The following RARB variants were observed in gnomAD, a reference collection of about 807,000 sequenced individuals.
RARB encodes HBV-activated protein.
In RARB, 17 loss-of-function variants were observed where a neutral mutation model predicts 51.9. The ratio of observed to expected loss-of-function variants is 0.33; its 90% CI spans 0.22 to 0.49. RARB has a LOEUF of 0.49. Among genes scored for constraint, RARB ranks in the 20% least tolerant of loss-of-function variants. The probability of loss-of-function intolerance (pLI) is 0.99; values close to 1 mark genes in which losing one functional copy is unlikely to be tolerated. For synonymous variants in RARB, 215 were observed against 195.4 expected, an observed-to-expected ratio of 1.10 and a Z score of -0.84; for missense variants, 369 against 550.8, an observed-to-expected ratio of 0.67 and a Z score of 3.30.
At chr3:25,043,674 A>G (rs1698157882) in intron 2 of RARB, among the ~76,000 whole-genome samples, 1 of 152,194 alleles carries the variant, frequency 6.6e-6, no homozygotes, top group African/African-American at 2.4e-5. Context: ...TTATATCAAG[A>G]TGATTTTTAT....
chr3:25,527,590 A>C (rs1698708684), intron 3 of RARB, among the ~76,000 whole-genome samples: 1 of 152,208 alleles, frequency 6.6e-6, no homozygotes, highest in Non-Finnish European at 1.5e-5. Context: ...TTATGTTCAT[A>C]CATGCTTGTA....
chr3:25,594,283 A>G (rs1204338505), intron 6 of RARB, among the ~76,000 whole-genome samples: 1 of 152,150 alleles, frequency 6.6e-6, no homozygotes, highest in Non-Finnish European at 1.5e-5. Context: ...AAAGGAGGTA[A>G]TTCTTTCCCT....
chr3:24,911,492 G>A (rs1475126030), intron 2 of RARB, among the ~76,000 whole-genome samples: 1 of 152,174 alleles, frequency 6.6e-6, no homozygotes, highest in Non-Finnish European at 1.5e-5. Flanking sequence ...TGGTCCCATG[G>A]TTTGGGACCA....
At chr3:24,903,267 AATC>A (rs1361073691) in intron 2 of RARB, among the ~76,000 whole-genome samples, 1 of 152,082 alleles carries the variant, frequency 6.6e-6, no homozygotes, top group Non-Finnish European at 1.5e-5. Context: ...AGGAAATAAT[AATC>A]ATAAAAATAT....
intron 5 of RARB, among the ~76,000 whole-genome samples, chr3:25,413,739 C>A (rs976710411): frequency 3.3e-5 from 5 of 152,032 alleles, no homozygotes; most frequent in Non-Finnish European, 7.3e-5. Flanking sequence ...ATTTTATTCC[C>A]TGATAACCAA....
intron 2 of RARB, among the ~76,000 whole-genome samples, chr3:24,890,337 C>A (rs778153220): frequency 7.7e-4 from 117 of 152,142 alleles, no homozygotes; most frequent in Non-Finnish European, 1.3e-3. Flanking sequence ...GTTCTTTAGA[C>A]TTTTCTCTCT....
chr3:25,022,696 G>T (rs1697664272), intron 2 of RARB, among the ~76,000 whole-genome samples: 1 of 152,162 alleles, frequency 6.6e-6, no homozygotes, highest in Admixed American at 6.5e-5. Flanking sequence ...GACAGGGAAG[G>T]CTTCCCTGAA....
chr3:24,940,237 AT>A (rs1311206080), intron 2 of RARB, among the ~76,000 whole-genome samples: 1 of 152,092 alleles, frequency 6.6e-6, no homozygotes, highest in Non-Finnish European at 1.5e-5. Flanking sequence ...TCATTTAACA[AT>A]TTCATACTGA....
At chr3:24,953,132 A>G (rs1276768482) in intron 2 of RARB, among the ~76,000 whole-genome samples, 1 of 152,178 alleles carries the variant, frequency 6.6e-6, no homozygotes, top group African/African-American at 2.4e-5. Flanking sequence ...ATGCACGTAG[A>G]TAAAAGAGTT....
At chr3:25,345,406 C>T (rs1370104665) in intron 5 of RARB, among the ~76,000 whole-genome samples, 1 of 152,098 alleles carries the variant, frequency 6.6e-6, no homozygotes, top group Non-Finnish European at 1.5e-5. Context: ...GTGGCTCACG[C>T]CTGTAATCCC....
At chr3:24,901,390 G>A (rs141033092) in intron 2 of RARB, among the ~76,000 whole-genome samples, 84 of 152,144 alleles carry the variant, frequency 5.5e-4, no homozygotes, top group African/African-American at 2.0e-3. Flanking sequence ...AACCTATATG[G>A]ATTTCATCTA....
chr3:25,247,283 T>C (rs1485594941), intron 5 of RARB, among the ~76,000 whole-genome samples: 3 of 152,228 alleles, frequency 2.0e-5, no homozygotes, highest in Non-Finnish European at 2.9e-5. Flanking sequence ...CCACTGAGCA[T>C]GACCACTAGT....
intron 2 of RARB, among the ~76,000 whole-genome samples, chr3:25,029,083 G>A (rs577806987): frequency 6.6e-5 from 10 of 152,286 alleles, no homozygotes; most frequent in Admixed American, 2.6e-4. Flanking sequence ...GCAAAATCCT[G>A]GCTGCCATAT....
At chr3:25,064,998 G>T (rs1016542584) in intron 3 of RARB, among the ~76,000 whole-genome samples, 2 of 152,126 alleles carry the variant, frequency 1.3e-5, no homozygotes, top group Non-Finnish European at 1.5e-5. Flanking sequence ...TCGTGCATAG[G>T]AGTAAGGCAA....
chr3:25,262,913 G>C (rs377471679), intron 5 of RARB, among the ~76,000 whole-genome samples: 51 of 152,228 alleles, frequency 3.4e-4, no homozygotes, highest in South Asian at 6.2e-4. Context: ...ATTGTCATAA[G>C]CATTTGTATG....
intron 2 of RARB, among the ~76,000 whole-genome samples, chr3:25,036,971 A>T (rs1698008796): frequency 6.6e-6 from 1 of 152,200 alleles, no homozygotes; most frequent in Admixed American, 6.5e-5. Context: ...ATAGGGATTT[A>T]CAAAAGTTTG....
chr3:25,251,654 ATCTTC>A (rs1702724068), intron 5 of RARB, among the ~76,000 whole-genome samples: 1 of 152,182 alleles, frequency 6.6e-6, no homozygotes, highest in Admixed American at 6.5e-5. Flanking sequence ...CTATTTGCAT[ATCTTC>A]TCTTGAGAAA....
At chr3:25,227,956 A>G (rs1575235564) in intron 5 of RARB, among the ~76,000 whole-genome samples, 1 of 152,192 alleles carries the variant, frequency 6.6e-6, no homozygotes, top group South Asian at 2.1e-4. Flanking sequence ...AAACCAATAG[A>G]CATTGCCTCT....
intron 1 of RARB, among the ~76,000 whole-genome samples, chr3:25,442,604 T>C (rs1488379838): frequency 6.6e-6 from 1 of 152,228 alleles, no homozygotes; most frequent in East Asian, 1.9e-4. Flanking sequence ...CCTATGGCTA[T>C]TAACAAGCTC....
Sources: gnomAD v4.1 joint callset for allele counts (sites outside exome capture counted in the v4.1 genomes callset) on GRCh38, gnomAD v4.1.1 for gene constraint, MANE v1.5 for transcripts, NCBI Gene and HGNC (gene_info 2026-07-23, HGNC 2026-07-21) for gene names.